Variants in GALNT14 observed in about 807,000 individuals in gnomAD.
The protein encoded by GALNT14 is UDP-GalNAc:polypeptide N-acetylgalactosaminyltransferase 14.
In GALNT14, 60 loss-of-function variants were observed where a neutral mutation model predicts 77.5. The observed-to-expected ratio is 0.77, with a 90% CI of 0.63 to 0.96. The LOEUF (loss-of-function observed/expected upper bound fraction) is 0.96, where lower values mean the gene tolerates loss of function less well. GALNT14 is among the 40% of genes least tolerant of loss of function. GALNT14 has a pLI of 0.00. For synonymous variants in GALNT14, 280 were observed against 281.7 expected, an observed-to-expected ratio of 0.99 and a Z score of 0.06; for missense variants, 710 against 731.0, an observed-to-expected ratio of 0.97 and a Z score of 0.33.
chr2:30,932,766 A>T (rs1665818303), intron 9 of GALNT14, among the ~76,000 whole-genome samples: 1 of 152,228 alleles, frequency 6.6e-6, no homozygotes, highest in Non-Finnish European at 1.5e-5. Context: ...CAAGGTGTCC[A>T]CAAAAGTTCC....
intron 1 of GALNT14, among the ~76,000 whole-genome samples, chr2:31,084,189 C>A (rs1361230006): frequency 2.0e-5 from 3 of 152,088 alleles, no homozygotes; most frequent in Non-Finnish European, 4.4e-5. Flanking sequence ...TCAACACAAC[C>A]GATTATTATG....
chr2:30,906,309 A>G (rs1213788047), downstream of GALNT14, among the ~76,000 whole-genome samples: 6 of 151,106 alleles, frequency 4.0e-5, no homozygotes, highest in African/African-American at 1.5e-4. Context: ...TATTCAGGAA[A>G]CCCATCTCAC....
chr2:30,971,618 G>T (rs1668361517), intron 2 of GALNT14, among the ~76,000 whole-genome samples: 1 of 152,124 alleles, frequency 6.6e-6, no homozygotes, highest in Non-Finnish European at 1.5e-5. Context: ...GCACTGCCAG[G>T]CTCTGGAGCA....
chr2:31,113,313 G>A (rs537574139), intron 1 of GALNT14, among the ~76,000 whole-genome samples: 4 of 152,116 alleles, frequency 2.6e-5, no homozygotes, highest in East Asian at 1.9e-4. Flanking sequence ...AGGATCTGCC[G>A]GGCTGGGTGG....
At chr2:30,958,598 T>C (rs1667505853) in intron 3 of GALNT14, 134 bp from the exon 4 acceptor site, 3 of 672,330 alleles carry the variant, frequency 4.5e-6, no homozygotes, top group African/African-American at 3.6e-5. Context: ...TCCAGTCATA[T>C]TGCTTATCTG....
chr2:30,958,544 C>G, intron 3 of GALNT14, 80 bp from the exon 4 acceptor site: 1 of 1,068,870 alleles, frequency 9.4e-7, no homozygotes, highest in Non-Finnish European at 1.4e-6. Context: ...TAAATAGATA[C>G]CATTGCATTT....
At chr2:30,968,301 G>C (rs1376476492) in intron 2 of GALNT14, among the ~76,000 whole-genome samples, 1 of 152,194 alleles carries the variant, frequency 6.6e-6, no homozygotes, top group Non-Finnish European at 1.5e-5. Context: ...ACAGCCAGCC[G>C]CCGATGGCTG....
At chr2:31,055,730 G>A (rs944697687) in intron 1 of GALNT14, among the ~76,000 whole-genome samples, 4 of 152,172 alleles carry the variant, frequency 2.6e-5, no homozygotes, top group African/African-American at 4.8e-5. Context: ...CAGTGGAAAC[G>A]TTACTTCTCC....
At chr2:31,007,950 C>T (rs1447706396) in intron 1 of GALNT14, among the ~76,000 whole-genome samples, 1 of 152,168 alleles carries the variant, frequency 6.6e-6, no homozygotes, top group Admixed American at 6.5e-5. Flanking sequence ...CTCTCTGGCC[C>T]ACAACCTCTG....
chr2:30,992,967 T>A lies in GALNT14; in HGVS notation c.170A>T (p.Asp57Val), dbSNP rs750969316. ...TTTGGCATTCAGATACCGCCGCTCATCAAACTGGTCCCACAGGTCGTCCCA... is the reference window on the plus strand; with the variant it reads ...TTTGGCATTCAGATACCGCCGCTCAACAAACTGGTCCCACAGGTCGTCCCA... ...ADWDDLWDQF[D>V]ERRYLNAKKW... Residue 57 changes from aspartate (D) to valine (V), a missense_variant, in exon 2 of 15, where the codon GAT (aspartate) becomes GTT (valine). Physicochemically the swap from Asp to Val is radical, Grantham distance 152 (BLOSUM62 -3). Transcript: ENST00000349752. 6.2e-7 allele frequency: 1 copy of A among 1,614,150 alleles called. No homozygotes were observed. The highest frequency in any genetic ancestry group is 1.1e-5 in the South Asian group (1 of 91,084).
intron 1 of GALNT14, among the ~76,000 whole-genome samples, chr2:31,029,430 C>T (rs543430027): frequency 6.6e-6 from 1 of 152,298 alleles, no homozygotes; most frequent in African/African-American, 2.4e-5. Context: ...ACCATCTGGT[C>T]CTCCACAGAG....
At chr2:31,046,766 T>A (rs1364410934) in intron 1 of GALNT14, among the ~76,000 whole-genome samples, 2 of 152,146 alleles carry the variant, frequency 1.3e-5, no homozygotes, top group Admixed American at 1.3e-4. Flanking sequence ...TTTAATCAAA[T>A]CTAATTTCGT....
chr2:31,063,923 C>T (rs1674769342), intron 1 of GALNT14, among the ~76,000 whole-genome samples: 1 of 152,070 alleles, frequency 6.6e-6, no homozygotes, highest in Non-Finnish European at 1.5e-5. Context: ...CCTGGTAGTA[C>T]CTAGGTATAT....
At position 31,032,856 on chromosome 2, in the gene GALNT14, T is replaced by C. The variant is rs773931339; in HGVS notation, c.130-39849A>G. The stretch of plus-strand genomic sequence containing the variant: ...CCTCAGGCTTTATTTTGCTCAATGC[T>C]GGAGAAACAGCTGGACTCTGTAGAA... On this transcript the variant is annotated intron_variant, in intron 1 of 14. Transcript: ENST00000349752. Among the ~76,000 whole-genome samples, 42 of 152,250 alleles carry C rather than the reference T, an allele frequency of 2.8e-4. 1 individual carries two copies. The highest frequency in any genetic ancestry group is 3.4e-3 in the Middle Eastern group (1 of 294).
chr2:31,131,742 G>A (rs534625811), intron 1 of GALNT14, among the ~76,000 whole-genome samples: 2 of 152,158 alleles, frequency 1.3e-5, no homozygotes, highest in Non-Finnish European at 2.9e-5. Flanking sequence ...GGCTTCAGGC[G>A]TCAGCCCACG....
At chr2:31,070,320 C>T (rs1315434401) in intron 1 of GALNT14, among the ~76,000 whole-genome samples, 2 of 152,336 alleles carry the variant, frequency 1.3e-5, no homozygotes, top group South Asian at 2.1e-4. Flanking sequence ...AAGGGGACCA[C>T]GTAGGTCCCA....
At chr2:31,041,257 G>A (rs965531813) in intron 1 of GALNT14, among the ~76,000 whole-genome samples, 6 of 152,172 alleles carry the variant, frequency 3.9e-5, no homozygotes, top group African/African-American at 7.2e-5. Flanking sequence ...GGGTGAGGAA[G>A]ATATGAGAAG....
rs763618158 is a variant in GALNT14 at position 30,924,278 on chromosome 2, C to A, written c.1236-15G>T. The A allele has an allele frequency of 6.2e-7, 1 of 1,613,678 alleles. No individual in the cohort carries two copies. ...CCTTGGGGATGCTGGAGGAGAGTCACAGGGAGAGAGGAGAGTCCACTGCTC... is the reference window on the plus strand; with the variant it reads ...CCTTGGGGATGCTGGAGGAGAGTCAAAGGGAGAGAGGAGAGTCCACTGCTC... On this transcript the variant is annotated splice_polypyrimidine_tract_variant and intron_variant, in intron 12 of 14. Transcript: ENST00000349752.
intron 1 of GALNT14, among the ~76,000 whole-genome samples, chr2:31,024,414 A>G (rs1671917492): frequency 6.6e-6 from 1 of 151,978 alleles, no homozygotes. Flanking sequence ...CGGTGGCCCA[A>G]AGTCCCCTCC....
Sources: allele counts gnomAD v4.1 joint callset (sites outside exome capture counted in the v4.1 genomes callset), GRCh38; gene constraint gnomAD v4.1.1; transcripts MANE v1.5; gene names NCBI Gene and HGNC (gene_info 2026-07-23, HGNC 2026-07-21).